The following TUSC3 variants were observed in gnomAD, a reference collection of about 807,000 sequenced individuals.
TUSC3 encodes the protein dolichyl-diphosphooligosaccharide--protein glycosyltransferase subunit TUSC3.
A neutral mutation model predicts 44.8 loss-of-function variants in TUSC3; 45 were observed. That is an observed-to-expected ratio of 1.00 (90% CI 0.79 to 1.29). The LOEUF is 1.29. Among genes scored for constraint, TUSC3 ranks in the 50% most tolerant of loss-of-function variants. TUSC3 has a pLI of 0.00. For missense variants in TUSC3, 519 were observed against 437.9 expected, an observed-to-expected ratio of 1.19 and a Z score of -1.65; for synonymous variants, 212 against 152.9, an observed-to-expected ratio of 1.39 and a Z score of -2.85.
At chr8:15,761,727 G>A (rs1398368948) in intron 10 of TUSC3, among the ~76,000 whole-genome samples, 3 of 152,070 alleles carry the variant, frequency 2.0e-5, no homozygotes, top group East Asian at 3.9e-4. Context: ...GAAGCAGACC[G>A]CAAAAGTGAA....
intron 2 of TUSC3, among the ~76,000 whole-genome samples, chr8:15,501,222 A>G (rs1213625275): frequency 2.0e-5 from 3 of 152,148 alleles, no homozygotes; most frequent in East Asian, 1.9e-4. Flanking sequence ...TTGCTAACCA[A>G]TTTTCTCTCT....
At chr8:15,849,809 CAA>C in the TUSC3 span, among the ~76,000 whole-genome samples, 1 of 149,876 alleles carries the variant, frequency 6.7e-6, no homozygotes, top group Admixed American at 6.7e-5. Context: ...TTGAAGCCTA[CAA>C]AAAAAAAAAG....
intron 8 of TUSC3, among the ~76,000 whole-genome samples, chr8:15,746,995 G>T (rs969587884): frequency 3.3e-5 from 5 of 151,998 alleles, no homozygotes; most frequent in African/African-American, 1.2e-4. Flanking sequence ...AAGTTCAGCT[G>T]CATGAGTGTT....
chr8:15,773,748 T>G, the TUSC3 span, among the ~76,000 whole-genome samples: 10 of 152,104 alleles, frequency 6.6e-5, no homozygotes, highest in African/African-American at 2.2e-4. Flanking sequence ...GATAAACATA[T>G]AGATTAATAG....
At chr8:15,437,440 T>A (rs546270090) in intron 1 of TUSC3, among the ~76,000 whole-genome samples, 2 of 152,330 alleles carry the variant, frequency 1.3e-5, no homozygotes, top group East Asian at 3.9e-4. Context: ...CGTGATTTTA[T>A]TCTGTGGCTG....
chr8:15,513,776 G>A (rs985728401), intron 2 of TUSC3, among the ~76,000 whole-genome samples: 3 of 152,270 alleles, frequency 2.0e-5, no homozygotes, highest in East Asian at 1.9e-4. Flanking sequence ...TCTCAGGTAC[G>A]TGACAAAACT....
At chr8:15,603,734 G>A (rs771687714) in intron 1 of TUSC3, among the ~76,000 whole-genome samples, 2 of 151,540 alleles carry the variant, frequency 1.3e-5, no homozygotes, top group Admixed American at 6.6e-5. Context: ...GAATGGAATA[G>A]GAAAGTACCT....
intron 1 of TUSC3, among the ~76,000 whole-genome samples, chr8:15,464,674 T>G (rs186223253): frequency 2.6e-5 from 4 of 152,360 alleles, no homozygotes; most frequent in African/African-American, 9.6e-5. Flanking sequence ...GGACTTTAAT[T>G]TTTAACCAAA....
chr8:15,536,432 A>G (rs1801522106), upstream of TUSC3, among the ~76,000 whole-genome samples: 1 of 152,088 alleles, frequency 6.6e-6, no homozygotes, highest in South Asian at 2.1e-4. Context: ...CTGTAATCCC[A>G]GCACTTTGGG....
rs147004169 is a variant in TUSC3 at position 15,631,668 on chromosome 8, T to TTGTGTG, written c.308+8455_308+8460dup. 1.6e-3 allele frequency among the ~76,000 whole-genome samples: 238 copies of TTGTGTG among 145,206 alleles called. 1 individual carries two copies. The highest frequency in any genetic ancestry group is 4.4e-3 in the Admixed American group (63 of 14,434). ...AATACATCTCTTGAGTTTAAGGCTGTTGTGTGTGTGTGTGTGTGTGTGTGT... is the reference window on the plus strand; with the variant it reads ...AATACATCTCTTGAGTTTAAGGCTGTTGTGTGTGTGTGTGTGTGTGTGTGTGTGTGT... On this transcript the variant is annotated intron_variant, in intron 2 of 10. Coordinates refer to ENST00000503731, the MANE Select transcript of TUSC3 (RefSeq NM_006765.4).
intron 7 of TUSC3, among the ~76,000 whole-genome samples, chr8:15,737,056 G>A (rs1329900317): frequency 1.3e-5 from 2 of 152,052 alleles, no homozygotes; most frequent in East Asian, 1.9e-4. Context: ...TGCATTTTCT[G>A]TGAGCAAAAC....
chr8:15,826,710 G>A, the TUSC3 span, among the ~76,000 whole-genome samples: 3 of 152,088 alleles, frequency 2.0e-5, no homozygotes, highest in Non-Finnish European at 4.4e-5. Context: ...CACCTGCATA[G>A]AACAGAGATT....
Position 15,568,439 on chromosome 8 carries a change from C to G in TUSC3, c.138+27871C>G, listed in dbSNP as rs553931096. ...TCATTCCTGAAACCAAATTTATCTT[C>G]ATACCTTATTACTATATGAACTTAT... is the stretch of plus-strand genomic sequence containing the variant. On this transcript the variant is annotated intron_variant, in intron 1 of 10. Transcript: ENST00000503731. Among the ~76,000 whole-genome samples, 3 of 152,086 alleles carry G rather than the reference C, an allele frequency of 2.0e-5. 1 individual carries two copies. The highest frequency in any genetic ancestry group is 7.2e-5 in the African/African-American group (3 of 41,408).
rs568665040 is a variant in TUSC3 at position 15,728,311 on chromosome 8, A to C, written c.799-2355A>C. ...GCAATCATCTAGGCAAGAGATGATG[A>C]GTGGCTGGATCAGACAAATCTTTGG... On this transcript the variant is annotated intron_variant, in intron 6 of 10. Coordinates refer to ENST00000503731, the MANE Select transcript of TUSC3 (RefSeq NM_006765.4). Among the ~76,000 whole-genome samples, 73 of 152,272 alleles carry C rather than the reference A, an allele frequency of 4.8e-4. No homozygotes were observed. The Middle Eastern group carries it at 0.01, about 21-fold the overall frequency.
intron 6 of TUSC3, among the ~76,000 whole-genome samples, chr8:15,721,797 T>A (rs1318382383): frequency 1.3e-5 from 2 of 152,078 alleles, no homozygotes; most frequent in African/African-American, 4.8e-5. Context: ...TTTTAAAGTT[T>A]ATGTTTAGAA....
chr8:15,721,361 AG>A (rs1395936642), intron 6 of TUSC3, among the ~76,000 whole-genome samples: 2 of 150,648 alleles, frequency 1.3e-5, no homozygotes, highest in Non-Finnish European at 2.9e-5. Context: ...AAGCCATAAA[AG>A]TTTTTTTTGT....
chr8:15,519,808 T>C (rs559522792), intron 2 of TUSC3, among the ~76,000 whole-genome samples: 3 of 152,324 alleles, frequency 2.0e-5, no homozygotes, highest in Admixed American at 6.5e-5. Flanking sequence ...CAAAGGCAAC[T>C]AGGTGCCTGT....
At chr8:15,793,707 G>A in the TUSC3 span, among the ~76,000 whole-genome samples, 1 of 152,272 alleles carries the variant, frequency 6.6e-6, no homozygotes, top group East Asian at 1.9e-4. Flanking sequence ...TTTTATTAAT[G>A]CATAGCTTCT....
In TUSC3 at chr8:15,553,793, T is replaced by C. The variant is rs557502024; in HGVS notation, c.138+13225T>C. ...GCTGGAGAAGAAGCTGAAATGAAAA[T>C]AAAGAATGTTATGTCAGGTGACTGA... On this transcript the variant is annotated intron_variant, in intron 1 of 10. Transcript: ENST00000503731. Among the ~76,000 whole-genome samples the C allele has an allele frequency of 7.9e-5, 12 of 151,498 alleles. No individual in the cohort carries two copies. The South Asian group carries it at 1.1e-3, about 13-fold the overall frequency.
Sources: gnomAD v4.1 joint callset for allele counts (sites outside exome capture counted in the v4.1 genomes callset) on GRCh38, gnomAD v4.1.1 for gene constraint, MANE v1.5 for transcripts, NCBI Gene and HGNC (gene_info 2026-07-23, HGNC 2026-07-21) for gene names.